TMSB15B: variants seen among roughly 807,000 people sequenced by gnomAD.
TMSB15B encodes thymosin beta-15B.
chrX:103,953,293 A>G (rs1336567756), intron 1 of TMSB15B, among the ~76,000 whole-genome samples: 2 of 111,897 alleles, frequency 1.8e-5, no homozygotes, highest in East Asian at 5.7e-4. Context: ...AGGAGAGCGG[A>G]CATGCATGGA....
Position 103,946,000 on chromosome X carries a change from A to G in TMSB15B, c.-720-16021A>G, listed in dbSNP as rs1485222694. On this transcript the variant is annotated intron_variant, in intron 1 of 3. Transcript: ENST00000419165. ...TGGAGGAATATTCTTGTCAAGAACT[A>G]CAAAAGGTCTAGAATTTGACCCTAT... Among the ~76,000 whole-genome samples, 4 of 112,639 alleles carry G rather than the reference A, an allele frequency of 3.6e-5. No individual in the cohort carries two copies. In the East Asian group the frequency reaches 1.1e-3, roughly 31 times the overall value.
chrX:103,928,877 C>T, intron 1 of TMSB15B: 4 of 1,205,338 alleles, frequency 3.3e-6, no homozygotes, highest in Non-Finnish European at 4.5e-6. Context: ...GTGTGGAACA[C>T]TTGGGGCCAA....
chrX:103,933,494 C>T (rs1269689936), intron 1 of TMSB15B, among the ~76,000 whole-genome samples: 26 of 111,706 alleles, frequency 2.3e-4, no homozygotes, highest in African/African-American at 8.5e-4. Context: ...CCTCTCCCCC[C>T]GCCAATGATG....
At chrX:103,951,113 T>G (rs2075038096) in intron 1 of TMSB15B, among the ~76,000 whole-genome samples, 1 of 111,922 alleles carries the variant, frequency 8.9e-6, no homozygotes, top group Non-Finnish European at 1.9e-5. Flanking sequence ...CTGTATTATC[T>G]GTGTCCTTAT....
chrX:103,928,636 G>C (rs2074976105), intron 1 of TMSB15B: 1 of 1,161,669 alleles, frequency 8.6e-7, no homozygotes, highest in South Asian at 1.8e-5. Flanking sequence ...TTTCTGGCCT[G>C]TCCTGGCCAG....
intron 1 of TMSB15B, among the ~76,000 whole-genome samples, chrX:103,927,109 T>A (rs1556318964): frequency 1.8e-5 from 2 of 111,363 alleles, no homozygotes; most frequent in Non-Finnish European, 1.9e-5. Context: ...CTTCCTGGCC[T>A]TTCTGGGGTA....
intron 1 of TMSB15B, among the ~76,000 whole-genome samples, chrX:103,926,710 A>G (rs1438760460): frequency 9.1e-6 from 1 of 109,846 alleles, no homozygotes; most frequent in Non-Finnish European, 1.9e-5. Context: ...CTGATCCTGG[A>G]CTCTGTGGTC....
In TMSB15B at chrX:103,928,681, C is replaced by A. The variant is rs190622564; in HGVS notation, c.-721+9389C>A. 7.5e-3 allele frequency: 8,699 copies of A among 1,154,471 alleles called. 39 individuals carry two copies. Among genetic ancestry groups the A allele is most frequent in the Middle Eastern group, 0.014 (60 of 4,185 alleles). On this transcript the variant is annotated intron_variant, in intron 1 of 3. Coordinates refer to the TMSB15B transcript ENST00000419165. ...GGGGAGCACTCTATATTTTTCTTTCCAGGACCCCATGCAGGATGGCCTGGC... is the reference window on the plus strand; with the variant it reads ...GGGGAGCACTCTATATTTTTCTTTCAAGGACCCCATGCAGGATGGCCTGGC...
rs141353594 is a variant in TMSB15B, at chrX:103,952,207, C to T, written c.-720-9814C>T. Among the ~76,000 whole-genome samples, 629 of 111,207 alleles carry T rather than the reference C, an allele frequency of 5.7e-3. 4 individuals carry two copies. Among genetic ancestry groups the T allele is most frequent in the Non-Finnish European group, 9.7e-3 (512 of 53,013 alleles). On this transcript the variant is annotated intron_variant, in intron 1 of 3. Coordinates refer to the TMSB15B transcript ENST00000419165. ...CCACCATGCCTAGCTTTAGAATGAT[C>T]GATATTGAACTCACTAACAATTAAG...
intron 1 of TMSB15B, chrX:103,928,509 G>T: frequency 8.3e-7 from 1 of 1,198,911 alleles, no homozygotes; most frequent in Non-Finnish European, 1.1e-6. Flanking sequence ...TTGAAAGGGT[G>T]CAAAATGTGC....
intron 1 of TMSB15B, among the ~76,000 whole-genome samples, chrX:103,947,849 A>G (rs1482123802): frequency 1.8e-5 from 2 of 111,535 alleles, no homozygotes; most frequent in African/African-American, 6.6e-5. Flanking sequence ...TAACCAGGAA[A>G]CCTATAAAAA....
At chrX:103,946,898 T>C (rs1324124642) in intron 1 of TMSB15B, among the ~76,000 whole-genome samples, 7 of 111,675 alleles carry the variant, frequency 6.3e-5, no homozygotes, top group African/African-American at 2.0e-4. Context: ...AAACATTGTA[T>C]AATAAAAGAC....
intron 1 of TMSB15B, among the ~76,000 whole-genome samples, chrX:103,949,714 C>T (rs1267858982): frequency 7.2e-5 from 8 of 111,809 alleles, no homozygotes; most frequent in Non-Finnish European, 1.3e-4. Context: ...GCTGAGTAGG[C>T]AGTTGTATAT....
intron 1 of TMSB15B, among the ~76,000 whole-genome samples, chrX:103,939,754 T>C (rs1556323428): frequency 8.9e-6 from 1 of 112,086 alleles, no homozygotes; most frequent in African/African-American, 3.2e-5. Context: ...TTTTGGACTT[T>C]TTAGCCTTTT....
At position 103,950,502 on chromosome X, in the gene TMSB15B, C is replaced by T. The variant is rs782482908; in HGVS notation, c.-720-11519C>T. Among the ~76,000 whole-genome samples the T allele has an allele frequency of 2.6e-3, 281 of 109,802 alleles. 1 individual carries two copies. The highest frequency in any genetic ancestry group is 4.4e-3 in the Non-Finnish European group (234 of 52,669). ...GACAGGAACACTGGTTCCAACGAAG[C>T]CTTATATTGTGTATAGAAACATATT... On this transcript the variant is annotated intron_variant, in intron 1 of 3. Coordinates refer to the TMSB15B transcript ENST00000419165.
intron 1 of TMSB15B, among the ~76,000 whole-genome samples, chrX:103,936,765 A>G (rs1556322050): frequency 8.9e-6 from 1 of 112,285 alleles, no homozygotes; most frequent in Non-Finnish European, 1.9e-5. Context: ...CCCATTCAGT[A>G]TGATATTGAC....
At chrX:103,932,702 A>G (rs1368924116) in intron 1 of TMSB15B, 1 of 111,712 alleles carries the variant, frequency 9.0e-6, no homozygotes, top group Non-Finnish European at 1.9e-5. Flanking sequence ...TTCCACTTAA[A>G]TCTTCTGAGC....
At chrX:103,930,358 A>G (rs2074981214) in intron 1 of TMSB15B, among the ~76,000 whole-genome samples, 1 of 111,263 alleles carries the variant, frequency 9.0e-6, no homozygotes, top group Non-Finnish European at 1.9e-5. Context: ...TGAATGTGAC[A>G]TTAGTCTCTG....
chrX:103,953,481 C>T (rs2075043860), intron 1 of TMSB15B, among the ~76,000 whole-genome samples: 1 of 112,785 alleles, frequency 8.9e-6, no homozygotes, highest in Non-Finnish European at 1.9e-5. Flanking sequence ...ATAAGACCTA[C>T]TGGCCTGGAA....
Sources: gnomAD v4.1 joint callset for allele counts (sites outside exome capture counted in the v4.1 genomes callset) on GRCh38, gnomAD v4.1.1 for gene constraint, MANE v1.5 for transcripts, NCBI Gene and HGNC (gene_info 2026-07-23, HGNC 2026-07-21) for gene names.